SIPA1L2: variants seen among roughly 807,000 people sequenced by gnomAD.
SIPA1L2 encodes signal-induced proliferation-associated 1-like protein 2.
In SIPA1L2, 56 loss-of-function variants were observed where a neutral mutation model predicts 163.9. That is an observed-to-expected ratio of 0.34 (90% CI 0.28 to 0.43). SIPA1L2 has a LOEUF of 0.43. Among genes scored for constraint, SIPA1L2 ranks in the 20% least tolerant of loss-of-function variants. The probability of loss-of-function intolerance (pLI) is 1.00; values close to 1 mark genes in which losing one functional copy is unlikely to be tolerated. For synonymous variants in SIPA1L2, 877 were observed against 865.7 expected, an observed-to-expected ratio of 1.01 and a Z score of -0.23; for missense variants, 1,974 against 2,193.5, an observed-to-expected ratio of 0.90 and a Z score of 2.00.
chr1:232,469,919 A>AT (rs957958439), intron 8 of SIPA1L2, among the ~76,000 whole-genome samples: 4 of 151,908 alleles, frequency 2.6e-5, no homozygotes, highest in African/African-American at 9.7e-5. Flanking sequence ...TATCTTTACA[A>AT]TTTTTTGTGC....
chr1:232,520,918 C>T lies in SIPA1L2; in HGVS notation c.-269-5310G>A, dbSNP rs147275974. Among the ~76,000 whole-genome samples the T allele has an allele frequency of 2.5e-3, 378 of 152,156 alleles. 1 individual carries two copies. The highest frequency in any genetic ancestry group is 8.9e-3 in the African/African-American group (369 of 41,506). On this transcript the variant is annotated intron_variant, in intron 2 of 22. Transcript: ENST00000674635. Reference sequence around the variant, plus strand: ...TTATAACCAAATGGCTATAAAACAACCCATTAACTCACATTCCTATTACAG... The same window carrying T: ...TTATAACCAAATGGCTATAAAACAATCCATTAACTCACATTCCTATTACAG...
chr1:232,629,701 C>G (rs1043504345), intron 1 of SIPA1L2, among the ~76,000 whole-genome samples, 168 bp downstream of exon 1: 1 of 152,030 alleles, frequency 6.6e-6, no homozygotes, highest in East Asian at 1.9e-4. Context: ...CAAGCCGGAC[C>G]CTGCGCCGCG....
chr1:232,503,057 CAG>C (rs1464435246), intron 3 of SIPA1L2, among the ~76,000 whole-genome samples: 1 of 152,180 alleles, frequency 6.6e-6, no homozygotes, highest in Non-Finnish European at 1.5e-5. Flanking sequence ...TGTGTGCATT[CAG>C]ACCCTCACCC....
In SIPA1L2 at chr1:232,465,014, C is replaced by T. The variant is rs1317264385; in HGVS notation, c.2646G>A (p.Met882Ile). ...CATTCTTGGAATCCTTTTCAATCAA[C>T]ATGATGAACTCATTGGAGATCCCGA... is the stretch of plus-strand genomic sequence containing the variant. ...CLLGISNEFI[M>I]LIEKDSKNVV... The change falls in exon 9 of 23, where the codon ATG becomes ATA. Residue 882 changes from methionine (M) to isoleucine (I), a missense_variant. Met to Ile is a conservative substitution (Grantham distance 10). Around this residue, in one of 3 missense-constraint regions of SIPA1L2, gnomAD observed 1,079 missense variants for 1,150.7 expected, o/e 0.94. Transcript: ENST00000674635. The surrounding 1 kb of genome is among the most constrained non-coding windows in gnomAD (Gnocchi z 4.1). 2 of 1,614,210 alleles carry T rather than the reference C, an allele frequency of 1.2e-6. No individual in the cohort carries two copies. Among genetic ancestry groups the T allele is most frequent in the South Asian group, 1.1e-5 (1 of 91,072 alleles).
rs1161617252 is a variant in SIPA1L2 at position 232,630,108 on chromosome 1, G to T, written c.-558C>A. Among the ~76,000 whole-genome samples the T allele has an allele frequency of 6.6e-6, 1 of 151,038 alleles. No homozygotes were observed. The highest frequency in any genetic ancestry group is 1.5e-5 in the Non-Finnish European group (1 of 67,592). On this transcript the variant is annotated 5_prime_UTR_variant, in exon 1 of 23. Coordinates refer to ENST00000674635, the MANE Select transcript of SIPA1L2 (RefSeq NM_020808.5). ...TCCGTCCTCCTCCTCCTCTCGCTCC[G>T]CCAGCTCCTCCCGGGCTCCCAGTCT...
At chr1:232,481,769 T>C (rs558194532) in intron 6 of SIPA1L2, among the ~76,000 whole-genome samples, 1 of 152,324 alleles carries the variant, frequency 6.6e-6, no homozygotes, top group African/African-American at 2.4e-5. Context: ...AAATCCCCTA[T>C]GTTCCTATCC....
intron 20 of SIPA1L2, 133 bp downstream of exon 20, chr1:232,403,992 C>T (rs1660496639): frequency 3.2e-6 from 3 of 935,204 alleles, no homozygotes; most frequent in Non-Finnish European, 4.9e-6. Context: ...GGAGACAGAA[C>T]AGCCAGGACA....
intron 1 of SIPA1L2, among the ~76,000 whole-genome samples, chr1:232,622,605 C>G (rs1662872082): frequency 6.6e-6 from 1 of 152,208 alleles, no homozygotes; most frequent in African/African-American, 2.4e-5. Flanking sequence ...CATACTCTCT[C>G]ATGAAAGGCG....
Position 232,428,482 on chromosome 1 carries a change from C to T in SIPA1L2, c.4339G>A (p.Val1447Ile), listed in dbSNP as rs2102821187. 1 of 1,599,026 alleles carries T rather than the reference C, an allele frequency of 6.3e-7. No individual in the cohort carries two copies. The highest frequency in any genetic ancestry group is 1.1e-5 in the South Asian group (1 of 88,392). ...VGDAVAETQHVLSKEDFLKLM... is the reference protein window; with the variant it reads ...VGDAVAETQHILSKEDFLKLM... The stretch of plus-strand genomic sequence containing the variant: ...TTCAGAAAATCTTCTTTAGACAGAA[C>T]ATGTTGAGTCTCTGCAACAGCATCT... Residue 1447 changes from valine to isoleucine, a missense_variant, in exon 17 of 23, where the codon GTT becomes ATT. Around this residue, in one of 3 missense-constraint regions of SIPA1L2, gnomAD observed 1,079 missense variants for 1,150.7 expected, o/e 0.94. Coordinates refer to ENST00000674635, the MANE Select transcript of SIPA1L2 (RefSeq NM_020808.5).
intron 7 of SIPA1L2, among the ~76,000 whole-genome samples, chr1:232,477,829 C>T (rs1665126705): frequency 6.6e-6 from 1 of 152,158 alleles, no homozygotes; most frequent in African/African-American, 2.4e-5. Flanking sequence ...CTGGAGGTTG[C>T]CACATGTGAA....
At chr1:232,541,247 T>TAACATAACATAACA (rs552074001) in intron 2 of SIPA1L2, among the ~76,000 whole-genome samples, 4 of 144,572 alleles carry the variant, frequency 2.8e-5, no homozygotes, top group African/African-American at 5.4e-5. Context: ...TAACATAACA[T>TAACATAACATAACA]TAACATAACA....
chr1:232,628,023 A>G (rs1433619564), intron 1 of SIPA1L2, among the ~76,000 whole-genome samples: 2 of 152,246 alleles, frequency 1.3e-5, no homozygotes, highest in African/African-American at 4.8e-5. Context: ...AATGATAGCT[A>G]CAAAGATAAT....
rs562338225 is a variant in SIPA1L2, at chr1:232,538,820, C to T, written c.-269-23212G>A. Among the ~76,000 whole-genome samples, 3 of 152,274 alleles carry T rather than the reference C, an allele frequency of 2.0e-5. No individual in the cohort carries two copies. The South Asian group carries it at 6.2e-4, about 32-fold the overall frequency. On this transcript the variant is annotated intron_variant, in intron 2 of 22. Transcript: ENST00000674635. ...AATTTCCCAACCATCAAGAATGTGA[C>T]AGTGGGTGGGTGAGCTGACTCACCA...
intron 7 of SIPA1L2, among the ~76,000 whole-genome samples, chr1:232,472,715 A>C (rs1314260091): frequency 1.3e-5 from 2 of 152,230 alleles, no homozygotes; most frequent in Non-Finnish European, 2.9e-5. Flanking sequence ...TTTACTAGCA[A>C]TATGAAAGAC....
At chr1:232,498,871 C>A (rs1000784652) in intron 3 of SIPA1L2, among the ~76,000 whole-genome samples, 3 of 152,152 alleles carry the variant, frequency 2.0e-5, no homozygotes, top group Admixed American at 6.5e-5. Flanking sequence ...AGGGAGTGTA[C>A]ACAAATTCCA....
chr1:232,476,377 C>CA (rs1665048160), intron 7 of SIPA1L2, among the ~76,000 whole-genome samples: 1 of 152,130 alleles, frequency 6.6e-6, no homozygotes, highest in African/African-American at 2.4e-5. Flanking sequence ...AAATGTTACG[C>CA]ATACATTAAA....
intron 1 of SIPA1L2, among the ~76,000 whole-genome samples, chr1:232,604,729 G>A (rs1661799159): frequency 1.3e-5 from 2 of 152,120 alleles, no homozygotes; most frequent in Admixed American, 1.3e-4. Flanking sequence ...AGTTTCTAAT[G>A]GTTTAGCACC....
chr1:232,489,604 G>C (rs1165528762), intron 5 of SIPA1L2, among the ~76,000 whole-genome samples: 1 of 151,776 alleles, frequency 6.6e-6, no homozygotes, highest in African/African-American at 2.4e-5. Context: ...GTGTTAACTT[G>C]TTAGACCAAT....
rs777218656 is a variant in SIPA1L2, at chr1:232,493,598, C to G, written c.1546G>C (p.Glu516Gln). Residue 516 changes from glutamate (E) to glutamine (Q), a missense_variant, in exon 4 of 23, where the codon GAG becomes CAG. Physicochemically the swap from Glu to Gln is conservative, Grantham distance 29. Around this residue, in one of 3 missense-constraint regions of SIPA1L2, gnomAD observed 288 missense variants for 418.9 expected, o/e 0.69. Transcript: ENST00000674635. ...LGPVAVSIRR[E>Q]KVEDAKEKEG... ...TTCTCCTTGGCATCTTCCACCTTCT[C>G]TCTCCGGATGCTGACTGCTACTGGA... 1.2e-6 allele frequency: 2 copies of G among 1,614,118 alleles called. No homozygotes were observed. Among genetic ancestry groups the G allele is most frequent in the South Asian group, 1.1e-5 (1 of 91,078 alleles).
Sources: gnomAD v4.1 joint callset for allele counts (sites outside exome capture counted in the v4.1 genomes callset) on GRCh38, gnomAD v4.1.1 for gene constraint, gnomAD v4.1.1 regional missense constraint, Gnocchi (gnomAD v3.1) non-coding constraint, MANE v1.5 for transcripts, NCBI Gene and HGNC (gene_info 2026-07-23, HGNC 2026-07-21) for gene names.